KDM2B: variants seen among roughly 807,000 people sequenced by gnomAD.
KDM2B encodes lysine-specific demethylase 2B.
In KDM2B, 26 loss-of-function variants were observed where a neutral mutation model predicts 150.0. The ratio of observed to expected loss-of-function variants is 0.17; its 90% CI spans 0.13 to 0.24. KDM2B has a LOEUF of 0.24. KDM2B is among the 10% of genes least tolerant of loss of function. KDM2B has a pLI of 1.00. For missense variants in KDM2B, 1,265 were observed against 1,816.9 expected (o/e 0.70, Z 5.52); for synonymous variants, 734 against 729.5 (o/e 1.01, Z -0.10).
At chr12:121,510,361 C>T (rs975388053) in intron 10 of KDM2B, among the ~76,000 whole-genome samples, 20 of 152,122 alleles carry the variant, frequency 1.3e-4, no homozygotes, top group African/African-American at 2.9e-4. Flanking sequence ...CTGCAACCTC[C>T]GCCTCCCGGG....
At chr12:121,420,122 T>G in the KDM2B span, 1 of 893,272 alleles carries the variant, frequency 1.1e-6, no homozygotes, top group Non-Finnish European at 1.8e-6. Context: ...GCATTCTGAA[T>G]CCAAAGATGT....
At chr12:121,456,822 G>GA (rs1441484923) in intron 12 of KDM2B, among the ~76,000 whole-genome samples, 5 of 152,308 alleles carry the variant, frequency 3.3e-5, no homozygotes, top group Non-Finnish European at 7.3e-5. Flanking sequence ...AGACATCTGG[G>GA]AAAATCACAG....
intron 6 of KDM2B, among the ~76,000 whole-genome samples, chr12:121,544,889 G>A (rs964568222): frequency 6.6e-6 from 1 of 152,156 alleles, no homozygotes; most frequent in Non-Finnish European, 1.5e-5. Flanking sequence ...CTCCAGCCTG[G>A]GCAACAGAGT....
At chr12:121,415,794 G>C in the KDM2B span, among the ~76,000 whole-genome samples, 1 of 146,296 alleles carries the variant, frequency 6.8e-6, no homozygotes, top group Non-Finnish European at 1.5e-5. Flanking sequence ...AGAATTTTTA[G>C]TATATGCATA....
At chr12:121,563,472 C>T (rs1162487806) in intron 4 of KDM2B, among the ~76,000 whole-genome samples, 8 of 151,422 alleles carry the variant, frequency 5.3e-5, no homozygotes, top group African/African-American at 1.2e-4. Context: ...CCGGGCGTGG[C>T]GGCGGCTGCC....
At chr12:121,444,747 T>G in intron 14 of KDM2B, 1 of 592,086 alleles carries the variant, frequency 1.7e-6, no homozygotes, top group Non-Finnish European at 3.0e-6. Context: ...CTGAGCCCCT[T>G]TGCTTCTCTG....
intron 22 of KDM2B, chr12:121,433,089 C>T (rs782749109): frequency 6.6e-6 from 3 of 454,960 alleles, no homozygotes; most frequent in Non-Finnish European, 1.3e-5. Context: ...TCTGAGTTGT[C>T]TTTGGGTACT....
At chr12:121,508,065 TTTC>T (rs781894535) in intron 11 of KDM2B, among the ~76,000 whole-genome samples, 14 of 152,110 alleles carry the variant, frequency 9.2e-5, no homozygotes, top group Non-Finnish European at 1.6e-4. Flanking sequence ...TGGAAAGACA[TTTC>T]TTCTTCAGAT....
At chr12:121,444,295 T>G (rs3817551) in intron 15 of KDM2B, 23 bp from the exon 16 acceptor site, 620,464 of 1,611,742 alleles carry the variant, frequency 0.38, 122,626 homozygotes, top group Admixed American at 0.44. Context: ...AAAGAGAGAA[T>G]GAACAGACCA....
At chr12:121,479,776 C>A (rs1881880518) in intron 12 of KDM2B, among the ~76,000 whole-genome samples, 1 of 151,922 alleles carries the variant, frequency 6.6e-6, no homozygotes, top group South Asian at 2.1e-4. Context: ...CACGTGCCAC[C>A]ACACCCAGCT....
chr12:121,481,655 T>G (rs912151543), intron 12 of KDM2B, among the ~76,000 whole-genome samples: 1 of 152,142 alleles, frequency 6.6e-6, no homozygotes, highest in Non-Finnish European at 1.5e-5. Context: ...AATAAAACCA[T>G]GGTAATGCCA....
intron 9 of KDM2B, among the ~76,000 whole-genome samples, chr12:121,514,416 C>T (rs1885858317): frequency 6.6e-6 from 1 of 151,836 alleles, no homozygotes; most frequent in African/African-American, 2.4e-5. Context: ...GGAGATTCCA[C>T]GGGGGGCAGT....
chr12:121,525,844 G>A (rs1887082975), intron 8 of KDM2B, among the ~76,000 whole-genome samples: 1 of 152,172 alleles, frequency 6.6e-6, no homozygotes, highest in Non-Finnish European at 1.5e-5. Context: ...TGCAAGGATG[G>A]GAAATAACTT....
downstream of KDM2B, among the ~76,000 whole-genome samples, chr12:121,426,092 G>A (rs943604072): frequency 6.6e-6 from 1 of 152,118 alleles, no homozygotes; most frequent in African/African-American, 2.4e-5. Flanking sequence ...CTTGGTGGTG[G>A]CAAGTCTTTA....
At chr12:121,495,566 C>G (rs1883847407) in intron 11 of KDM2B, among the ~76,000 whole-genome samples, 1 of 152,202 alleles carries the variant, frequency 6.6e-6, no homozygotes, top group Non-Finnish European at 1.5e-5. Flanking sequence ...TACCAAAATG[C>G]TGGGATTACA....
rs975650482 is a variant in KDM2B at position 121,453,939 on chromosome 12, T to G, written c.1735-595A>C. 6.6e-6 allele frequency among the ~76,000 whole-genome samples: 1 copy of G among 152,204 alleles called. No individual in the cohort carries two copies. Among genetic ancestry groups the G allele is most frequent in the South Asian group, 2.1e-4 (1 of 4,816 alleles). ...CCCACAGGCTCGGACCCTGCCCACC[T>G]TTCCCACCTCCGTCTGCTCCCCAAG... On this transcript the variant is annotated intron_variant, in intron 12 of 22. Transcript: ENST00000377071. This position sits in a 1 kb window ranked among gnomAD's most constrained non-coding sequence, Gnocchi z 6.4.
At chr12:121,517,409 G>A (rs1207401032) in intron 9 of KDM2B, among the ~76,000 whole-genome samples, 1 of 151,896 alleles carries the variant, frequency 6.6e-6, no homozygotes, top group Non-Finnish European at 1.5e-5. Context: ...AGGGAACCCT[G>A]GGGTTCCCTA....
chr12:121,581,213 G>A, upstream of KDM2B: 1 of 299,992 alleles, frequency 3.3e-6, no homozygotes, highest in East Asian at 6.8e-5. Flanking sequence ...AGCGAAAGAC[G>A]CAGAGAATTG....
chr12:121,494,708 G>A, intron 11 of KDM2B, 43 bp from the exon 12 acceptor site: 2 of 1,504,758 alleles, frequency 1.3e-6, no homozygotes, highest in Non-Finnish European at 1.8e-6. Flanking sequence ...GGGGGAAGGG[G>A]AGGTCTCTGA....
Sources: gnomAD v4.1 joint callset for allele counts (sites outside exome capture counted in the v4.1 genomes callset) on GRCh38, gnomAD v4.1.1 for gene constraint, Gnocchi (gnomAD v3.1) non-coding constraint, MANE v1.5 for transcripts, NCBI Gene and HGNC (gene_info 2026-07-23, HGNC 2026-07-21) for gene names.